Variants in UACA observed in about 807,000 individuals in gnomAD.
UACA encodes the protein nuclear membrane binding protein.
Under a neutral mutation model 160.5 loss-of-function variants are expected in UACA, and 112 were observed. The observed-to-expected ratio is 0.70, with a 90% CI of 0.60 to 0.82. The LOEUF is 0.82. Among genes scored for constraint, UACA ranks in the 40% least tolerant of loss-of-function variants. The probability of loss-of-function intolerance (pLI) is 0.00; values close to 1 mark genes in which losing one functional copy is unlikely to be tolerated. For missense variants in UACA, 1,574 were observed against 1,614.6 expected (o/e 0.97, Z 0.43); for synonymous variants, 557 against 568.4 (o/e 0.98, Z 0.29).
upstream of UACA, among the ~76,000 whole-genome samples, chr15:70,764,691 G>T (rs539848642): frequency 6.6e-6 from 1 of 152,170 alleles, no homozygotes; most frequent in Non-Finnish European, 1.5e-5. Flanking sequence ...CAAAGACTGT[G>T]TTAACCCTAT....
At chr15:70,768,457 G>A (rs2031067893), upstream of UACA, 1 of 152,222 alleles carries the variant, frequency 6.6e-6, no homozygotes. Context: ...AAGCAGTTGA[G>A]ATAACCACTG....
Position 70,672,940 on chromosome 15 carries a change from C to CA in UACA, c.1132-940dup, listed in dbSNP as rs2140913743. Among the ~76,000 whole-genome samples the CA allele has an allele frequency of 2.0e-5, 3 of 151,914 alleles. No individual in the cohort carries two copies. In the East Asian group the frequency reaches 5.8e-4, roughly 29 times the overall value. On this transcript the variant is annotated intron_variant, in intron 13 of 18. Coordinates refer to ENST00000322954, the MANE Select transcript of UACA (RefSeq NM_018003.4). ...TGAAACCCCGTCTCTACTAAAAATACAAAAAATTAGCTGGGTGTGGTGGCG... is the reference window on the plus strand; with the variant it reads ...TGAAACCCCGTCTCTACTAAAAATACAAAAAAATTAGCTGGGTGTGGTGGCG...
At chr15:70,674,747 G>T (rs1410940846) in intron 13 of UACA, among the ~76,000 whole-genome samples, 1 of 152,070 alleles carries the variant, frequency 6.6e-6, no homozygotes, top group Non-Finnish European at 1.5e-5. Context: ...ACAGGCATGT[G>T]CCACCACGCC....
rs563469350 is a variant in UACA, at chr15:70,708,626, AC to A, written c.79-8967del. Among the ~76,000 whole-genome samples, 11 of 151,910 alleles carry A rather than the reference AC, an allele frequency of 7.2e-5. No homozygotes were observed. The South Asian group carries it at 2.3e-3, about 32-fold the overall frequency. On this transcript the variant is annotated intron_variant, in intron 1 of 18. Coordinates refer to ENST00000322954, the MANE Select transcript of UACA (RefSeq NM_018003.4). ...GGGATTACAGGTGCACACCACCCAC[AC>A]CCGGCTAATTTTTTTGTATTTTTAG...
intron 3 of UACA, 114 bp downstream of exon 3, chr15:70,694,901 CAG>C (rs1898073054): frequency 1.2e-6 from 1 of 868,306 alleles, no homozygotes; most frequent in Non-Finnish European, 1.8e-6. Flanking sequence ...ATTTTAAAAA[CAG>C]AAAATTGAGG....
chr15:70,664,578 C>T, intron 17 of UACA, 84 bp downstream of exon 17: 4 of 1,480,586 alleles, frequency 2.7e-6, no homozygotes, highest in Non-Finnish European at 3.6e-6. Context: ...CTACAGAGCA[C>T]TTTAATTTCT....
At chr15:70,705,823 T>C (rs1279139231) in intron 1 of UACA, among the ~76,000 whole-genome samples, 2 of 151,924 alleles carry the variant, frequency 1.3e-5, no homozygotes, top group Admixed American at 6.6e-5. Context: ...ACTATATTTA[T>C]AAAAATAAAA....
chr15:70,765,485 T>C (rs1021339534), upstream of UACA, among the ~76,000 whole-genome samples: 9 of 152,206 alleles, frequency 5.9e-5, no homozygotes, highest in Non-Finnish European at 1.2e-4. Flanking sequence ...AAGTGATCTC[T>C]CCATCCTCCA....
chr15:70,755,369 TAA>T (rs879376258), intron 1 of UACA, among the ~76,000 whole-genome samples: 1 of 144,912 alleles, frequency 6.9e-6, no homozygotes, highest in African/African-American at 2.5e-5. Context: ...ATTCAAGGTT[TAA>T]AAAAAAAAAA....
intron 1 of UACA, among the ~76,000 whole-genome samples, chr15:70,709,876 T>C (rs1220578421): frequency 2.6e-5 from 4 of 152,186 alleles, no homozygotes; most frequent in African/African-American, 7.2e-5. Context: ...TATAGGATGA[T>C]AGCAAAACTT....
intron 1 of UACA, among the ~76,000 whole-genome samples, chr15:70,712,248 T>A (rs1898705414): frequency 6.6e-6 from 1 of 152,034 alleles, no homozygotes; most frequent in Non-Finnish European, 1.5e-5. Context: ...ATATTAATCT[T>A]GACACCTTCC....
At chr15:70,762,919 G>C (rs2030859641) in intron 1 of UACA, among the ~76,000 whole-genome samples, 1 of 152,186 alleles carries the variant, frequency 6.6e-6, no homozygotes, top group African/African-American at 2.4e-5. Context: ...CCCGGCCCCG[G>C]GGACTGGGGA....
chr15:70,747,145 T>C (rs1899730851), intron 1 of UACA, among the ~76,000 whole-genome samples: 1 of 152,136 alleles, frequency 6.6e-6, no homozygotes, highest in Admixed American at 6.6e-5. Flanking sequence ...AAAAATGTAT[T>C]TTGTCACCTT....
intron 1 of UACA, among the ~76,000 whole-genome samples, chr15:70,755,435 C>T (rs1279218701): frequency 6.6e-6 from 1 of 151,656 alleles, no homozygotes; most frequent in South Asian, 2.1e-4. Context: ...TTAGGGAGGC[C>T]GAGGTGGGTG....
chr15:70,697,877 C>G (rs1029813632), intron 2 of UACA, among the ~76,000 whole-genome samples: 1 of 151,992 alleles, frequency 6.6e-6, no homozygotes, highest in Middle Eastern at 3.2e-3. Flanking sequence ...ATGAAGAAAC[C>G]CCGTTTCTGC....
chr15:70,692,021 T>C (rs1897956745), intron 3 of UACA, among the ~76,000 whole-genome samples: 1 of 147,584 alleles, frequency 6.8e-6, no homozygotes, highest in South Asian at 2.1e-4. Flanking sequence ...GTAGGAACTA[T>C]CTACCTCCAA....
chr15:70,670,279 G>A (rs1897091411), intron 15 of UACA, among the ~76,000 whole-genome samples: 1 of 152,084 alleles, frequency 6.6e-6, no homozygotes, highest in South Asian at 2.1e-4. Context: ...CTTAGTAAAG[G>A]CACTACACAT....
In UACA at chr15:70,763,453, G is replaced by C; in HGVS notation, c.-46C>G. The C allele has an allele frequency of 7.8e-7, 1 of 1,281,916 alleles. No individual in the cohort carries two copies. The highest frequency in any genetic ancestry group is 4.2e-5 in the Admixed American group (1 of 23,762). The allele number at this position is 1,281,916 out of a possible 1,614,324, so 79.4% of individuals were successfully genotyped here. A position where few individuals can be genotyped will look rare whatever the true frequency, so the allele number is the denominator to read the frequency against. Reference sequence around the variant, plus strand: ...CCGCGCGAACCTTAAAGGCTGCGGAGTGCCAGCGCGCAAGGAGTAGACGGC... The same window carrying C: ...CCGCGCGAACCTTAAAGGCTGCGGACTGCCAGCGCGCAAGGAGTAGACGGC... On this transcript the variant is annotated 5_prime_UTR_variant, in exon 1 of 19. Coordinates refer to ENST00000322954, the MANE Select transcript of UACA (RefSeq NM_018003.4).
chr15:70,703,409 T>A, intron 1 of UACA: 1 of 496,648 alleles, frequency 2.0e-6, no homozygotes, highest in Non-Finnish European at 3.2e-6. Context: ...TTTACAACAT[T>A]AGGCCCATAT....
Sources: allele counts gnomAD v4.1 joint callset (sites outside exome capture counted in the v4.1 genomes callset), GRCh38; gene constraint gnomAD v4.1.1; transcripts MANE v1.5; gene names NCBI Gene and HGNC (gene_info 2026-07-23, HGNC 2026-07-21).